Variants in HPD observed in about 807,000 individuals in gnomAD.
HPD encodes the protein 4-hydroxyphenylpyruvic acid oxidase.
In HPD, 35 loss-of-function variants were observed where a neutral mutation model predicts 56.9. The observed-to-expected ratio is 0.62, with a 90% CI of 0.47 to 0.82. The LOEUF is 0.82. Ranked by LOEUF, HPD falls within the 40% of genes least tolerant of loss-of-function variation. The pLI is 0.00. For missense variants in HPD, 442 were observed against 506.8 expected (o/e 0.87, Z 1.23); for synonymous variants, 186 against 200.2 (o/e 0.93, Z 0.60).
At chr12:121,846,787 C>T (rs971348200) in intron 11 of HPD, 75 bp downstream of exon 11, 9 of 1,410,036 alleles carry the variant, frequency 6.4e-6, no homozygotes, top group South Asian at 2.4e-5. Context: ...TGCCGCCACC[C>T]GCCCTCTCAA....
At chr12:121,876,519 G>A in the HPD span, among the ~76,000 whole-genome samples, 2 of 152,106 alleles carry the variant, frequency 1.3e-5, no homozygotes. Context: ...CTTCCTCTCA[G>A]GCTAAATTAC....
chr12:121,879,703 CAT>C, the HPD span, among the ~76,000 whole-genome samples: 696 of 152,158 alleles, frequency 4.6e-3, 6 homozygotes, highest in Non-Finnish European at 4.5e-3. Context: ...AATGTATAAA[CAT>C]ATATAGATAT....
the HPD span, among the ~76,000 whole-genome samples, chr12:121,879,096 C>T: frequency 6.6e-6 from 1 of 151,944 alleles, no homozygotes; most frequent in Non-Finnish European, 1.5e-5. Flanking sequence ...ACCAGCCTGG[C>T]CACCTTGGCG....
At chr12:121,857,245 A>G (rs932293253) in intron 4 of HPD, 83 bp downstream of exon 4, 3 of 919,224 alleles carry the variant, frequency 3.3e-6, no homozygotes, top group Non-Finnish European at 5.4e-6. Flanking sequence ...ATGCCCAGCT[A>G]ATTTTTCTAT....
rs1284294966 is a variant in HPD at position 121,851,699 on chromosome 12, A to AT, written c.415-1910dup. On this transcript the variant is annotated intron_variant, in intron 7 of 13. Coordinates refer to ENST00000289004, the MANE Select transcript of HPD (RefSeq NM_002150.3). ...TTTTTATTCATTTATTTATTTATTTATTTTTTTTTTTTTTTTTTTTTTTTT... is the reference window on the plus strand; with the variant it reads ...TTTTTATTCATTTATTTATTTATTTATTTTTTTTTTTTTTTTTTTTTTTTTT... Among the ~76,000 whole-genome samples, 15 of 12,402 alleles carry AT rather than the reference A, an allele frequency of 1.2e-3. 2 individuals are homozygous for AT. Among genetic ancestry groups the AT allele is most frequent in the Admixed American group, 2.1e-3 (2 of 950 alleles). The allele number at this position is 12,402 out of a possible 152,430, so 8.1% of individuals were successfully genotyped here. A position where few individuals can be genotyped will look rare whatever the true frequency, so the allele number is the denominator to read the frequency against.
At chr12:121,848,814 C>T (rs1043428417) in intron 9 of HPD, among the ~76,000 whole-genome samples, 185 bp downstream of exon 9, 1 of 152,072 alleles carries the variant, frequency 6.6e-6, no homozygotes, top group Non-Finnish European at 1.5e-5. Flanking sequence ...CCATATTGGT[C>T]AGGCTGGTGT....
At chr12:121,866,123 C>G (rs929693689), upstream of HPD, among the ~76,000 whole-genome samples, 3 of 152,080 alleles carry the variant, frequency 2.0e-5, no homozygotes, top group African/African-American at 7.2e-5. Flanking sequence ...CGGTGAAACC[C>G]TGTCTCTACT....
chr12:121,887,408 C>A, the HPD span, among the ~76,000 whole-genome samples: 1 of 151,908 alleles, frequency 6.6e-6, no homozygotes, highest in Non-Finnish European at 1.5e-5. Context: ...TTGAGGGGTG[C>A]GGTAGCTCAC....
intron 8 of HPD, 41 bp from the exon 9 acceptor site, chr12:121,849,117 C>A (rs774891597): frequency 3.1e-6 from 4 of 1,297,580 alleles, no homozygotes; most frequent in African/African-American, 1.5e-5. Context: ...GTGGCTACCC[C>A]CCAGATTGCT....
At chr12:121,864,198 C>T (rs1173129899), upstream of HPD, among the ~76,000 whole-genome samples, 1 of 150,778 alleles carries the variant, frequency 6.6e-6, no homozygotes, top group Non-Finnish European at 1.5e-5. Context: ...GAGCTGAGAT[C>T]GTGCCACTGC....
chr12:121,862,760 A>C (rs1246134479), upstream of HPD, among the ~76,000 whole-genome samples: 2 of 134,580 alleles, frequency 1.5e-5, no homozygotes, highest in Non-Finnish European at 3.1e-5. Flanking sequence ...GGCTCACTGC[A>C]AGCTCCACCT....
chr12:121,856,845 A>T, intron 4 of HPD: 1 of 606,648 alleles, frequency 1.6e-6, no homozygotes, highest in Non-Finnish European at 3.0e-6. Flanking sequence ...CTGCTAGGTC[A>T]GGTCTCCCTC....
upstream of HPD, among the ~76,000 whole-genome samples, chr12:121,863,043 C>T (rs1374945305): frequency 6.8e-6 from 1 of 146,894 alleles, no homozygotes; most frequent in Non-Finnish European, 1.5e-5. Flanking sequence ...AGTGCAATGG[C>T]GTGATCTCTG....
intron 9 of HPD, among the ~76,000 whole-genome samples, chr12:121,848,594 G>T (rs1371779303): frequency 6.6e-6 from 1 of 151,958 alleles, no homozygotes; most frequent in Non-Finnish European, 1.5e-5. Context: ...TTACAGGCGT[G>T]AGCAAGTGCG....
At position 121,856,363 on chromosome 12, in the gene HPD, G is replaced by C; in HGVS notation, c.285C>G (p.Asp95Glu). The C allele has an allele frequency of 6.2e-7, 1 of 1,614,154 alleles. No individual in the cohort carries two copies. Among genetic ancestry groups the C allele is most frequent in the Non-Finnish European group, 8.5e-7 (1 of 1,180,026 alleles). ...HLVKHGDGVK[D>E]IAFEVEDCDY... ...CACAATCTTCCACCTCGAACGCAAT[G>C]TCCTTCACTCCGTCACCGTGTTTCA... The change falls in exon 6 of 14, where the codon GAC becomes GAG. Residue 95 changes from aspartate (D) to glutamate (E), a missense_variant. Transcript: ENST00000289004.
chr12:121,861,582 C>T (rs1321125358), upstream of HPD, among the ~76,000 whole-genome samples: 1 of 151,840 alleles, frequency 6.6e-6, no homozygotes, highest in Non-Finnish European at 1.5e-5. Context: ...ATAGTGTTTG[C>T]TAATATTACA....
intron 12 of HPD, among the ~76,000 whole-genome samples, chr12:121,840,476 T>G (rs1877371578): frequency 6.6e-6 from 1 of 152,070 alleles, no homozygotes; most frequent in African/African-American, 2.4e-5. Flanking sequence ...AATTTTTGTA[T>G]TTTTAGTAAG....
At chr12:121,872,296 C>T in the HPD span, among the ~76,000 whole-genome samples, 1 of 149,970 alleles carries the variant, frequency 6.7e-6, no homozygotes, top group Non-Finnish European at 1.5e-5. Context: ...CAATGGTGCA[C>T]TCCCACTGCA....
chr12:121,860,031 G>A (rs1451987324), upstream of HPD, among the ~76,000 whole-genome samples: 1 of 152,178 alleles, frequency 6.6e-6, no homozygotes, highest in Non-Finnish European at 1.5e-5. Context: ...GGTGGTGCAC[G>A]TCTGTAGTCC....
Sources: gnomAD v4.1 joint callset for allele counts (sites outside exome capture counted in the v4.1 genomes callset) on GRCh38, gnomAD v4.1.1 for gene constraint, MANE v1.5 for transcripts, NCBI Gene and HGNC (gene_info 2026-07-23, HGNC 2026-07-21) for gene names.